LGSN: variants seen among roughly 807,000 people sequenced by gnomAD.
LGSN encodes the protein lengsin.
In LGSN, 21 loss-of-function variants were observed where a neutral mutation model predicts 19.5. The ratio of observed to expected loss-of-function variants is 1.07; its 90% CI spans 0.76 to 1.55. LGSN has a LOEUF of 1.55. Ranked by LOEUF, LGSN falls within the 40% of genes most tolerant of loss-of-function variation. The pLI, the probability that LGSN is intolerant of heterozygous loss-of-function variation, is 0.00. For synonymous variants in LGSN, 257 were observed against 215.6 expected, an observed-to-expected ratio of 1.19 and a Z score of -1.68; for missense variants, 673 against 608.5, an observed-to-expected ratio of 1.11 and a Z score of -1.12.
chr6:63,299,499 TACCTTGTTTTACCTAAAAG>T (rs1768103230), intron 1 of LGSN, among the ~76,000 whole-genome samples: 2 of 152,224 alleles, frequency 1.3e-5, no homozygotes, highest in Admixed American at 1.3e-4. Flanking sequence ...ATAAAATTTC[TACCTTGTTTTACCTAAAAG>T]TCATCCTTTT....
chr6:63,389,910 T>C, the LGSN span, among the ~76,000 whole-genome samples: 1 of 151,858 alleles, frequency 6.6e-6, no homozygotes, highest in Admixed American at 6.6e-5. Context: ...AAAGTTTATC[T>C]CCTTTTTCTC....
the LGSN span, among the ~76,000 whole-genome samples, chr6:63,325,222 C>T: frequency 2.0e-5 from 3 of 148,756 alleles, no homozygotes; most frequent in African/African-American, 7.4e-5. Context: ...AAACCCAAAA[C>T]TAGTGCAAGG....
At chr6:63,286,641 A>G (rs1373059580) in intron 2 of LGSN, among the ~76,000 whole-genome samples, 1 of 152,214 alleles carries the variant, frequency 6.6e-6, no homozygotes, top group Non-Finnish European at 1.5e-5. Flanking sequence ...TTAAATTAAT[A>G]TGTCTAGAGC....
At chr6:63,391,934 T>G in the LGSN span, among the ~76,000 whole-genome samples, 1 of 152,192 alleles carries the variant, frequency 6.6e-6, no homozygotes, top group East Asian at 1.9e-4. Context: ...CTCTCCAGTA[T>G]AAGTCTTCTT....
chr6:63,389,497 G>A, the LGSN span, among the ~76,000 whole-genome samples: 2 of 152,192 alleles, frequency 1.3e-5, no homozygotes, highest in African/African-American at 2.4e-5. Context: ...GCAAAATCTA[G>A]CACAATCTGA....
chr6:63,548,848 C>T, the LGSN span: 1 of 758,804 alleles, frequency 1.3e-6, no homozygotes, highest in South Asian at 1.4e-5. Flanking sequence ...GTCCTGATAG[C>T]TCCCACTAGC....
the LGSN span, among the ~76,000 whole-genome samples, chr6:63,377,928 A>AG: frequency 6.7e-6 from 1 of 150,174 alleles, no homozygotes; most frequent in African/African-American, 2.4e-5. Flanking sequence ...AAAAAAAAAA[A>AG]AAAAAAAGAA....
At chr6:63,291,580 G>A (rs1767771897) in intron 2 of LGSN, among the ~76,000 whole-genome samples, 1 of 152,170 alleles carries the variant, frequency 6.6e-6, no homozygotes, top group Non-Finnish European at 1.5e-5. Flanking sequence ...TGGAGCTTGG[G>A]GTTTATATGG....
the LGSN span, among the ~76,000 whole-genome samples, chr6:63,397,592 T>C: frequency 1.3e-5 from 2 of 151,086 alleles, no homozygotes; most frequent in African/African-American, 4.9e-5. Flanking sequence ...GAATGGAAAA[T>C]AAAAGTGGGA....
Position 63,280,924 on chromosome 6 carries a change from A to C in LGSN, c.627T>G (p.Asp209Glu), listed in dbSNP as rs763595908. The C allele has an allele frequency of 3.7e-6, 6 of 1,614,026 alleles. No homozygotes were observed. In the East Asian group the frequency reaches 1.3e-4, roughly 36 times the overall value. Residue 209 changes from aspartate (D) to glutamate (E), a missense_variant, in exon 4 of 4, where the codon GAT (aspartate) becomes GAG (glutamate). By Grantham distance (45) the Asp-to-Glu change is conservative. Coordinates refer to ENST00000370657, the MANE Select transcript of LGSN (RefSeq NM_016571.3). ...TTTCGGGCACACCAAAAATGCAAAA[A>C]TCATAGATGAAAGCAGAAAGCAGGG... ...GFSLLSAFIY[D>E]FCIFGVPEIL...
chr6:63,559,667 C>G, the LGSN span, among the ~76,000 whole-genome samples: 1 of 151,980 alleles, frequency 6.6e-6, no homozygotes, highest in Non-Finnish European at 1.5e-5. Context: ...ATCACTGGAA[C>G]CCAGGAAGCA....
Position 63,280,448 on chromosome 6 carries a change from C to A in LGSN, c.1103G>T (p.Arg368Leu), listed in dbSNP as rs765583125. Residue 368 changes from arginine (R) to leucine (L), a missense_variant, in exon 4 of 4, where the codon CGT becomes CTT. Physicochemically the swap from Arg to Leu is moderately radical, Grantham distance 102. Transcript: ENST00000370657. ...CAGGTCTTTCCTGTCCTTGGAATAACGCTTTCGGCAGCTAACAGAAGGCGC... is the reference window on the plus strand; with the variant it reads ...CAGGTCTTTCCTGTCCTTGGAATAAAGCTTTCGGCAGCTAACAGAAGGCGC... Reference protein sequence around the residue: ...LMAPSVSCRKRYSKDRKDLKK... With the variant: ...LMAPSVSCRKLYSKDRKDLKK... 1.2e-6 allele frequency: 2 copies of A among 1,614,042 alleles called. No homozygotes were observed. The highest frequency in any genetic ancestry group is 1.7e-6 in the Non-Finnish European group (2 of 1,180,048).
the LGSN span, among the ~76,000 whole-genome samples, chr6:63,540,763 C>G: frequency 6.6e-6 from 1 of 151,124 alleles, no homozygotes. Context: ...ATGAGGGTGG[C>G]GGGGAGACGT....
At chr6:63,282,884 A>G (rs866061135) in intron 3 of LGSN, among the ~76,000 whole-genome samples, 8 of 152,286 alleles carry the variant, frequency 5.3e-5, no homozygotes, top group Middle Eastern at 6.8e-3. Flanking sequence ...TATAAGCAAT[A>G]ATGTCATTTC....
At chr6:63,292,297 T>A (rs535488138) in intron 2 of LGSN, among the ~76,000 whole-genome samples, 1 of 152,316 alleles carries the variant, frequency 6.6e-6, no homozygotes, top group African/African-American at 2.4e-5. Flanking sequence ...CTTGTATTTT[T>A]AAAAAGATAA....
At position 63,280,477 on chromosome 6, in the gene LGSN, C is replaced by T; in HGVS notation, c.1074G>A (p.Leu358=). ...LLKHSAALSC[L]MAPSVSCRKR... is the part of the protein sequence containing the mutation. Reference sequence around the variant, plus strand: ...TTCGGCAGCTAACAGAAGGCGCCATCAGGCAGCTGAGCGCAGCAGAGTGCT... The same window carrying T: ...TTCGGCAGCTAACAGAAGGCGCCATTAGGCAGCTGAGCGCAGCAGAGTGCT... The change falls in exon 4 of 4, where the codon CTG becomes CTA. Residue 358 remains leucine, a synonymous_variant. Transcript: ENST00000370657. 6.2e-7 allele frequency: 1 copy of T among 1,614,172 alleles called. No homozygotes were observed. Among genetic ancestry groups the T allele is most frequent in the Non-Finnish European group, 8.5e-7 (1 of 1,180,040 alleles).
the LGSN span, among the ~76,000 whole-genome samples, chr6:63,446,319 C>T: frequency 6.6e-6 from 1 of 151,920 alleles, no homozygotes; most frequent in Non-Finnish European, 1.5e-5. Flanking sequence ...ATTGCCTCCC[C>T]ATCACTCTGC....
chr6:63,297,268 A>G (rs1007706611), intron 1 of LGSN, among the ~76,000 whole-genome samples: 20 of 149,632 alleles, frequency 1.3e-4, no homozygotes, highest in African/African-American at 4.9e-4. Context: ...TGAACCCAAG[A>G]GGCAGCCGAG....
At chr6:63,304,902 C>A (rs902219229) in intron 1 of LGSN, among the ~76,000 whole-genome samples, 3 of 151,990 alleles carry the variant, frequency 2.0e-5, no homozygotes, top group Non-Finnish European at 2.9e-5. Flanking sequence ...GACAGAAAAC[C>A]CAAAATAATG....
Sources: gnomAD v4.1 joint callset for allele counts (sites outside exome capture counted in the v4.1 genomes callset) on GRCh38, gnomAD v4.1.1 for gene constraint, MANE v1.5 for transcripts, NCBI Gene and HGNC (gene_info 2026-07-23, HGNC 2026-07-21) for gene names.